The following FAR1 variants were observed in gnomAD, a reference collection of about 807,000 sequenced individuals.
FAR1 encodes the protein fatty acyl-CoA reductase 1.
A neutral mutation model predicts 61.1 loss-of-function variants in FAR1; 22 were observed. The ratio of observed to expected loss-of-function variants is 0.36; its 90% confidence interval spans 0.26 to 0.51. The LOEUF is 0.51. Ranked by LOEUF, FAR1 falls within the 20% of genes least tolerant of loss-of-function variation. The pLI is 0.95. For missense variants in FAR1, 359 were observed against 626.9 expected (o/e 0.57, Z 4.56); for synonymous variants, 206 against 209.7 (o/e 0.98, Z 0.15).
chr11:13,684,139 C>G (rs182599380), intron 1 of FAR1, among the ~76,000 whole-genome samples: 1 of 152,106 alleles, frequency 6.6e-6, no homozygotes, highest in Non-Finnish European at 1.5e-5. Context: ...AACATTATCT[C>G]GAGAGGGAAA....
intron 9 of FAR1, chr11:13,720,090 A>G (rs1848594616): frequency 6.6e-6 from 1 of 152,178 alleles, no homozygotes; most frequent in Non-Finnish European, 1.5e-5. Flanking sequence ...ACACAAATAT[A>G]TGGCCTTTCA....
At chr11:13,669,598 A>G (rs1358402845) in intron 1 of FAR1, 1 of 152,248 alleles carries the variant, frequency 6.6e-6, no homozygotes, top group Non-Finnish European at 1.5e-5. Context: ...TTGAGCAAGA[A>G]CAGTTGTCTG....
chr11:13,693,282 T>C (rs1304633655), intron 1 of FAR1, among the ~76,000 whole-genome samples: 1 of 152,202 alleles, frequency 6.6e-6, no homozygotes, highest in African/African-American at 2.4e-5. Flanking sequence ...GGGCCATGGG[T>C]TGGACAAGCT....
chr11:13,708,447 G>GCGCGCGCACACACACA (rs139902063), intron 4 of FAR1, among the ~76,000 whole-genome samples: 31 of 136,730 alleles, frequency 2.3e-4, no homozygotes, highest in African/African-American at 6.9e-4. Context: ...GCGCGCGCGC[G>GCGCGCGCACACACACA]CACACACACA....
At chr11:13,717,400 AAG>A (rs1324531688) in intron 9 of FAR1, among the ~76,000 whole-genome samples, 3 of 152,186 alleles carry the variant, frequency 2.0e-5, no homozygotes, top group African/African-American at 7.2e-5. Context: ...TTTATTCAAA[AAG>A]AGAGAAATTG....
intron 3 of FAR1, among the ~76,000 whole-genome samples, chr11:13,707,007 C>G (rs527811468): frequency 1.3e-5 from 2 of 152,188 alleles, no homozygotes; most frequent in East Asian, 3.9e-4. Flanking sequence ...TTTAATCCTG[C>G]TTCAAAAAAA....
In FAR1 at chr11:13,700,561, C is replaced by G. The variant is rs1848360411; in HGVS notation, c.365+69C>G. On this transcript the variant is annotated intron_variant, in intron 3 of 11. Transcript: ENST00000354817. Reference sequence around the variant, plus strand: ...ATTAAAAAATCTCATTTTAATTCTACTTTTTAGTCAATTTGTTTTGAATGT... The same window carrying G: ...ATTAAAAAATCTCATTTTAATTCTAGTTTTTAGTCAATTTGTTTTGAATGT... 3 of 1,013,140 alleles carry G rather than the reference C, an allele frequency of 3.0e-6. No homozygotes were observed. The African/African-American group carries it at 5.2e-5, about 17-fold the overall frequency. 62.8% of individuals were successfully genotyped at this position (1,013,140 alleles called of 1,614,324 possible).
chr11:13,697,651 A>C (rs1224093750), intron 2 of FAR1, among the ~76,000 whole-genome samples: 1 of 152,152 alleles, frequency 6.6e-6, no homozygotes. Flanking sequence ...CACATTTAAG[A>C]TCTAGCAAGT....
chr11:13,726,307 A>AATC (rs2134202771), intron 10 of FAR1, among the ~76,000 whole-genome samples: 1 of 152,140 alleles, frequency 6.6e-6, no homozygotes, highest in Admixed American at 6.5e-5. Context: ...CCCAGACATA[A>AATC]ATCTAGAATC....
intron 1 of FAR1, among the ~76,000 whole-genome samples, chr11:13,690,580 A>G (rs1447688500): frequency 1.3e-5 from 2 of 152,192 alleles, no homozygotes; most frequent in Non-Finnish European, 1.5e-5. Context: ...CATTTTTTCT[A>G]TATGGATAAT....
rs781618056 is a variant in FAR1, at chr11:13,694,841, C to T, written c.76C>T (p.Leu26Phe). The T allele has an allele frequency of 3.6e-5, 58 of 1,613,896 alleles. No individual in the cohort carries two copies. Among genetic ancestry groups the T allele is most frequent in the Non-Finnish European group, 4.9e-5 (58 of 1,179,950 alleles). ...TGATGFLGKV[L>F]LEKLLRSCPK... ...AGCTACCGGTTTTCTAGGGAAGGTG[C>T]TTCTGGAAAAGTTGCTGAGGTCTTG... Residue 26 changes from leucine to phenylalanine, a missense_variant, in exon 2 of 12, where the codon CTT becomes TTT. Leu to Phe is a conservative substitution (Grantham distance 22, BLOSUM62 0). This residue lies in a region of FAR1 where 344 missense variants were observed against 570.3 expected (regional missense o/e 0.60). Coordinates refer to ENST00000354817, the MANE Select transcript of FAR1 (RefSeq NM_032228.6).
intron 10 of FAR1, among the ~76,000 whole-genome samples, chr11:13,724,093 AT>A (rs975436039): frequency 1.1e-4 from 16 of 152,086 alleles, no homozygotes; most frequent in African/African-American, 3.9e-4. Flanking sequence ...TTCTGTGAGA[AT>A]TTTTTTGAAG....
chr11:13,704,479 G>C (rs1255265693), intron 3 of FAR1, among the ~76,000 whole-genome samples: 1 of 152,130 alleles, frequency 6.6e-6, no homozygotes, highest in African/African-American at 2.4e-5. Context: ...AGAATTACTG[G>C]AAAGTGTGTT....
In FAR1 at chr11:13,711,876, A is replaced by G. The variant is rs1322567966; in HGVS notation, c.769-52A>G. On this transcript the variant is annotated intron_variant, in intron 6 of 11. Coordinates refer to ENST00000354817, the MANE Select transcript of FAR1 (RefSeq NM_032228.6). ...CTGCTTTTTGTATATCTTTAAATAT[A>G]TATACACTATGGCTTATATATCTTA... The G allele has an allele frequency of 6.4e-6, 10 of 1,558,720 alleles. No individual in the cohort carries two copies. In the East Asian group the frequency reaches 2.0e-4, roughly 32 times the overall value.
At chr11:13,719,479 G>A (rs1367784928) in intron 9 of FAR1, among the ~76,000 whole-genome samples, 1 of 152,088 alleles carries the variant, frequency 6.6e-6, no homozygotes, top group Admixed American at 6.6e-5. Flanking sequence ...TTAAACTGAT[G>A]TCAGTCATGT....
intron 2 of FAR1, among the ~76,000 whole-genome samples, chr11:13,695,787 A>T (rs1051205750): frequency 6.6e-6 from 1 of 152,218 alleles, no homozygotes; most frequent in Non-Finnish European, 1.5e-5. Flanking sequence ...AATGAACTTC[A>T]TATACCTTTA....
chr11:13,700,317 C>G lies in FAR1; in HGVS notation c.190C>G (p.Leu64Val), dbSNP rs148102733. 50 of 1,571,212 alleles carry G rather than the reference C, an allele frequency of 3.2e-5. No individual in the cohort carries two copies. Among genetic ancestry groups the G allele is most frequent in the Non-Finnish European group, 4.0e-5 (47 of 1,164,760 alleles). Reference protein sequence around the residue: ...ERVEEVLSGKLFDRLRDENPD... With the variant: ...ERVEEVLSGKVFDRLRDENPD... ...AATAAATATTTTTCCCTCTTGATAGCTTTTTGACAGATTGAGAGATGAAAA... is the reference window on the plus strand; with the variant it reads ...AATAAATATTTTTCCCTCTTGATAGGTTTTTGACAGATTGAGAGATGAAAA... The change falls in exon 3 of 12, where the codon CTT becomes GTT. Residue 64 changes from leucine to valine, a missense_variant and splice_region_variant. Coordinates refer to ENST00000354817, the MANE Select transcript of FAR1 (RefSeq NM_032228.6).
chr11:13,708,906 TGATA>T (rs1848468731), intron 4 of FAR1, among the ~76,000 whole-genome samples: 2 of 152,308 alleles, frequency 1.3e-5, no homozygotes, highest in Admixed American at 1.3e-4. Context: ...TTGTGAGTAT[TGATA>T]GATAGGGATT....
chr11:13,715,322 A>T (rs1285655877), intron 9 of FAR1, among the ~76,000 whole-genome samples: 1 of 152,166 alleles, frequency 6.6e-6, no homozygotes, highest in Non-Finnish European at 1.5e-5. Context: ...CTAACTATGG[A>T]TCACATCGTA....
Sources: gnomAD v4.1 joint callset for allele counts (sites outside exome capture counted in the v4.1 genomes callset) on GRCh38, gnomAD v4.1.1 for gene constraint, gnomAD v4.1.1 regional missense constraint, MANE v1.5 for transcripts, NCBI Gene and HGNC (gene_info 2026-07-23, HGNC 2026-07-21) for gene names.